Variants in NAALADL2 observed in about 807,000 individuals in gnomAD.
NAALADL2 encodes the protein inactive N-acetylated-alpha-linked acidic dipeptidase-like protein 2.
NAALADL2 carries 76 observed loss-of-function variants against 87.2 expected under a neutral mutation model. The ratio of observed to expected loss-of-function variants is 0.87; its 90% CI spans 0.72 to 1.05. NAALADL2 has a LOEUF of 1.05. Among genes scored for constraint, NAALADL2 ranks in the 50% least tolerant of loss-of-function variants. NAALADL2 has a pLI of 0.00. For missense variants in NAALADL2, 1,089 were observed against 945.8 expected (o/e 1.15, Z -1.99); for synonymous variants, 354 against 331.0 (o/e 1.07, Z -0.75).
chr3:174,463,735 G>A (rs1430537990), intron 1 of NAALADL2, among the ~76,000 whole-genome samples: 2 of 151,430 alleles, frequency 1.3e-5, no homozygotes, highest in Non-Finnish European at 2.9e-5. Context: ...CGAGTAGCTG[G>A]GACTACAGGC....
intron 2 of NAALADL2, among the ~76,000 whole-genome samples, chr3:175,198,659 G>T (rs529356206): frequency 3.3e-5 from 5 of 151,986 alleles, no homozygotes; most frequent in Non-Finnish European, 7.4e-5. Context: ...ATACTGTGGG[G>T]GAATAAAGTT....
At chr3:175,747,173 C>G (rs1420999410) in intron 12 of NAALADL2, among the ~76,000 whole-genome samples, 1 of 152,146 alleles carries the variant, frequency 6.6e-6, no homozygotes, top group Admixed American at 6.5e-5. Context: ...TTTATTATCA[C>G]CTAATGTCCC....
At chr3:175,788,086 CTG>C (rs1752315697) in intron 13 of NAALADL2, among the ~76,000 whole-genome samples, 1 of 136,390 alleles carries the variant, frequency 7.3e-6, no homozygotes, top group African/African-American at 2.9e-5. Flanking sequence ...AGTTTTTTAC[CTG>C]TTTTTTTTTT....
chr3:174,501,889 TTG>T (rs1280716256), intron 1 of NAALADL2, among the ~76,000 whole-genome samples: 2 of 152,062 alleles, frequency 1.3e-5, no homozygotes, highest in African/African-American at 4.8e-5. Flanking sequence ...TCTCTATTTT[TTG>T]TTTCATTAAT....
intron 5 of NAALADL2, among the ~76,000 whole-genome samples, chr3:175,408,217 A>T (rs966182608): frequency 6.6e-6 from 1 of 152,092 alleles, no homozygotes; most frequent in Non-Finnish European, 1.5e-5. Flanking sequence ...GCTCTGCATG[A>T]TGACTTCAGT....
At chr3:174,818,961 T>G (rs1188783563) in intron 3 of NAALADL2, among the ~76,000 whole-genome samples, 1 of 151,968 alleles carries the variant, frequency 6.6e-6, no homozygotes, top group Non-Finnish European at 1.5e-5. Context: ...TTTTCTATTT[T>G]TGTTTGTTTC....
At chr3:175,531,160 G>A (rs1734041883) in intron 9 of NAALADL2, among the ~76,000 whole-genome samples, 2 of 151,896 alleles carry the variant, frequency 1.3e-5, no homozygotes, top group African/African-American at 4.8e-5. Context: ...CTCCTGTTCT[G>A]GACCACACTC....
At chr3:174,704,426 A>G (rs1353490501) in intron 2 of NAALADL2, among the ~76,000 whole-genome samples, 1 of 152,160 alleles carries the variant, frequency 6.6e-6, no homozygotes, top group African/African-American at 2.4e-5. Context: ...TTAATTTAAT[A>G]TTTGATAGTA....
intron 1 of NAALADL2, among the ~76,000 whole-genome samples, chr3:174,944,305 G>A (rs2108484008): frequency 6.6e-6 from 1 of 152,252 alleles, no homozygotes; most frequent in African/African-American, 2.4e-5. Flanking sequence ...AAGCAGCCTG[G>A]ATGTGTTGTC....
rs73043276 is a variant in NAALADL2, at chr3:175,201,668, T to C, written c.546-32263T>C. On this transcript the variant is annotated intron_variant, in intron 2 of 13. Transcript: ENST00000454872. ...TCCAATTCTTCTTTAAATAACCATA[T>C]TCTTTTAACTTTGTACACTAATTTC... 8.2e-3 allele frequency among the ~76,000 whole-genome samples: 1,251 copies of C among 152,292 alleles called. 19 individuals are homozygous for C. The highest frequency in any genetic ancestry group is 0.028 in the African/African-American group (1,175 of 41,574).
At chr3:175,273,940 C>A (rs2110031521) in intron 4 of NAALADL2, among the ~76,000 whole-genome samples, 1 of 151,264 alleles carries the variant, frequency 6.6e-6, no homozygotes, top group African/African-American at 2.4e-5. Flanking sequence ...AGAGACATTT[C>A]TTTGTTTTTT....
chr3:174,476,873 A>T (rs935665675), intron 1 of NAALADL2, among the ~76,000 whole-genome samples: 5 of 152,134 alleles, frequency 3.3e-5, no homozygotes, highest in Admixed American at 6.6e-5. Flanking sequence ...AAAGTATTTT[A>T]AATGAGAATT....
intron 1 of NAALADL2, among the ~76,000 whole-genome samples, chr3:174,865,468 G>A (rs1727035687): frequency 6.6e-6 from 1 of 151,906 alleles, no homozygotes; most frequent in Admixed American, 6.6e-5. Flanking sequence ...GAGAAGAGAG[G>A]AATGAAGGAT....
intron 2 of NAALADL2, among the ~76,000 whole-genome samples, chr3:175,173,435 G>T (rs1192238138): frequency 1.3e-5 from 2 of 152,150 alleles, no homozygotes; most frequent in African/African-American, 4.8e-5. Flanking sequence ...CTGGGAGGCA[G>T]GGGTTGCAGT....
chr3:174,601,157 G>A (rs1479299508), intron 2 of NAALADL2, among the ~76,000 whole-genome samples: 3 of 152,044 alleles, frequency 2.0e-5, no homozygotes, highest in African/African-American at 7.2e-5. Context: ...TATATACCTA[G>A]GAGTGAGATT....
chr3:175,164,697 A>G (rs1030365999), intron 2 of NAALADL2, among the ~76,000 whole-genome samples: 1 of 152,210 alleles, frequency 6.6e-6, no homozygotes, highest in Non-Finnish European at 1.5e-5. Context: ...GTAAATTCTT[A>G]AAGTGTGTTA....
intron 2 of NAALADL2, among the ~76,000 whole-genome samples, chr3:174,697,100 T>A (rs1439746400): frequency 6.9e-6 from 1 of 144,544 alleles, no homozygotes; most frequent in African/African-American, 2.5e-5. Context: ...AAATAGTTTG[T>A]ATGGCTCTGA....
intron 9 of NAALADL2, among the ~76,000 whole-genome samples, chr3:175,513,338 G>T (rs1029689460): frequency 4.6e-5 from 7 of 152,126 alleles, no homozygotes; most frequent in Non-Finnish European, 1.0e-4. Context: ...AATAAAATGA[G>T]ACATTGAGTT....
In NAALADL2 at chr3:174,698,870, G is replaced by GAAAAAAAAAAAAAAAAAAA. The variant is rs1008476334; in HGVS notation, c.-114-38758_-114-38757insAAAAAAAAAAAAAAAAAAA. ...CAGAGCGAGACTCCGTCTCAAAGAA[G>GAAAAAAAAAAAAAAAAAAA]AAAAAAAAAAAAATTCTATTTAGAA... On this transcript the variant is annotated intron_variant, in intron 2 of 3. Coordinates refer to the NAALADL2 transcript ENST00000434257. 9.6e-5 allele frequency among the ~76,000 whole-genome samples: 8 copies of GAAAAAAAAAAAAAAAAAAA among 83,022 alleles called. 1 individual carries two copies. The highest frequency in any genetic ancestry group is 6.7e-4 in the African/African-American group (8 of 11,946). The allele number at this position is 83,022 out of a possible 152,430, so 54.5% of individuals were successfully genotyped here. A position where few individuals can be genotyped will look rare whatever the true frequency, so the allele number is the denominator to read the frequency against.
Sources: allele counts gnomAD v4.1 joint callset (sites outside exome capture counted in the v4.1 genomes callset), GRCh38; gene constraint gnomAD v4.1.1; transcripts MANE v1.5; gene names NCBI Gene and HGNC (gene_info 2026-07-23, HGNC 2026-07-21).